CYB561A3: variants seen among roughly 807,000 people sequenced by gnomAD.
CYB561A3 encodes the protein cytochrome b561 family member A3.
In CYB561A3, 16 loss-of-function variants were observed where a neutral mutation model predicts 25.3. The ratio of observed to expected loss-of-function variants is 0.63; its 90% confidence interval spans 0.43 to 0.96. The LOEUF is 0.96. CYB561A3 is among the 40% of genes least tolerant of loss of function. The pLI is 0.00. For missense variants in CYB561A3, 219 were observed against 307.5 expected, an observed-to-expected ratio of 0.71 and a Z score of 2.15; for synonymous variants, 131 against 129.9, an observed-to-expected ratio of 1.01 and a Z score of -0.06.
intron 3 of CYB561A3, chr11:61,356,317 C>G (rs1424592554): frequency 1.6e-6 from 1 of 625,630 alleles, no homozygotes; most frequent in Admixed American, 3.3e-5. Context: ...TTGCCAACTC[C>G]TGCCCTAGAG....
chr11:61,353,207 T>C, intron 4 of CYB561A3, 68 bp from the exon 5 acceptor site: 2 of 1,511,108 alleles, frequency 1.3e-6, no homozygotes, highest in Non-Finnish European at 1.8e-6. Flanking sequence ...ACCCCATCAG[T>C]GCCTCCTCCC....
chr11:61,355,995 G>A (rs1019580470), intron 3 of CYB561A3: 5 of 151,896 alleles, frequency 3.3e-5, no homozygotes, highest in African/African-American at 9.7e-5. Flanking sequence ...GGGAGGCTGA[G>A]GCAGGAGAAT....
intron 1 of CYB561A3, chr11:61,360,907 G>A (rs1347359071): frequency 1.3e-5 from 2 of 152,128 alleles, no homozygotes; most frequent in African/African-American, 4.8e-5. Flanking sequence ...GAACCCGGGA[G>A]GCGGAGGTTG....
intron 6 of CYB561A3, 117 bp downstream of exon 6, chr11:61,350,874 T>C (rs1857372304): frequency 7.0e-7 from 1 of 1,426,226 alleles, no homozygotes; most frequent in South Asian, 1.5e-5. Context: ...CTCAAGTTAC[T>C]TGGTTTCCTG....
intron 1 of CYB561A3, chr11:61,360,077 TAA>T (rs1219253357): frequency 6.4e-5 from 9 of 141,634 alleles, no homozygotes; most frequent in Non-Finnish European, 1.4e-4. Context: ...CCTCATCTCT[TAA>T]AAAAAAAAAA....
rs749582067 is a variant in CYB561A3 at position 61,352,670 on chromosome 11, GAAAA to G, written c.548+311_548+314del. 1,205 of 585,850 alleles carry G rather than the reference GAAAA, an allele frequency of 2.1e-3. 3 individuals are homozygous for G. The highest frequency in any genetic ancestry group is 2.6e-3 in the Non-Finnish European group (1,106 of 421,640). The allele number at this position is 585,850 out of a possible 1,614,324, so 36.3% of individuals were successfully genotyped here. ...AGTGAGACTCCATCTCAAAAAAAAA[GAAAA>G]AAGAAAATGGCAATGACAACAATAC... On this transcript the variant is annotated intron_variant, in intron 5 of 6. Transcript: ENST00000294072.
intron 2 of CYB561A3, 176 bp from the exon 3 acceptor site, chr11:61,356,904 G>A: frequency 6.9e-7 from 1 of 1,444,288 alleles, no homozygotes. Context: ...GGGTGGGCCT[G>A]ATCTTCAGTC....
intron 5 of CYB561A3, 54 bp downstream of exon 5, chr11:61,352,931 G>C: frequency 6.2e-7 from 1 of 1,613,402 alleles, no homozygotes; most frequent in East Asian, 2.2e-5. Context: ...TGTATCTTTT[G>C]AAGACCCTAT....
chr11:61,352,716 T>C, intron 5 of CYB561A3: 2 of 979,640 alleles, frequency 2.0e-6, no homozygotes, highest in South Asian at 1.9e-5. Context: ...ATACCAATGA[T>C]GTAGGGTGGT....
In CYB561A3 at chr11:61,357,763, G is replaced by A. The variant is rs1174734438; in HGVS notation, c.-46C>T. The A allele has an allele frequency of 6.5e-6, 1 of 153,514 alleles. No individual in the cohort carries two copies. The highest frequency in any genetic ancestry group is 2.4e-5 in the African/African-American group (1 of 41,448). 9.5% of individuals were successfully genotyped at this position (153,514 alleles called of 1,614,324 possible). ...GCCCTAATGATAGGCTCAGAGAACT[G>A]GCCTGGGCTCCAATTCCTGCGAAAT... On this transcript the variant is annotated 5_prime_UTR_variant, in exon 2 of 7. Transcript: ENST00000294072.
chr11:61,355,481 G>A (rs934370330), intron 3 of CYB561A3, among the ~76,000 whole-genome samples: 17 of 151,328 alleles, frequency 1.1e-4, no homozygotes, highest in African/African-American at 3.9e-4. Flanking sequence ...GGAGTTCGAG[G>A]CCAGCCTGAC....
chr11:61,351,284 CT>C (rs909648792), intron 5 of CYB561A3, 137 bp from the exon 6 acceptor site: 35,230 of 292,030 alleles, frequency 0.12, 1 homozygote, highest in South Asian at 0.17. Context: ...AACACCCTTT[CT>C]TTTTTTTTTT....
At position 61,349,680 on chromosome 11, in the gene CYB561A3, A is replaced by G. The variant is rs1268412038; in HGVS notation, c.*719T>C. On this transcript the variant is annotated 3_prime_UTR_variant, in exon 7 of 7. Transcript: ENST00000294072. ...GGAGCCGCACGGTCACAATACATGC[A>G]GACACAGAGCAGCAATACGAAACAG... is the stretch of plus-strand genomic sequence containing the variant. 1.4e-6 allele frequency: 1 copy of G among 702,444 alleles called. No individual in the cohort carries two copies. Among genetic ancestry groups the G allele is most frequent in the African/African-American group, 1.7e-5 (1 of 57,390 alleles). The allele number at this position is 702,444 out of a possible 1,614,324, so 43.5% of individuals were successfully genotyped here.
At chr11:61,350,517 G>T in intron 6 of CYB561A3, 95 bp from the exon 7 acceptor site, 1 of 1,505,552 alleles carries the variant, frequency 6.6e-7, no homozygotes, top group Admixed American at 2.0e-5. Flanking sequence ...CTGCAGGGTG[G>T]TCCCCATCCA....
Position 61,350,327 on chromosome 11 carries a change from G to A in CYB561A3, c.*72C>T. ...CCTGCTGAAACCAGCCGGGAGCCCT[G>A]GGAAGAGCAGAGCTTCTGAGGGGAG... On this transcript the variant is annotated 3_prime_UTR_variant, in exon 7 of 7. Coordinates refer to ENST00000294072, the MANE Select transcript of CYB561A3 (RefSeq NM_153611.6). 6.4e-7 allele frequency: 1 copy of A among 1,569,158 alleles called. No individual in the cohort carries two copies.
At chr11:61,356,789 A>C (rs1857670204) in intron 2 of CYB561A3, 61 bp from the exon 3 acceptor site, 1 of 1,578,370 alleles carries the variant, frequency 6.3e-7, no homozygotes, top group Non-Finnish European at 8.6e-7. Flanking sequence ...CTCTGGCTAA[A>C]GGAGGTAACA....
intron 3 of CYB561A3, chr11:61,354,653 AG>A (rs1336700752): frequency 6.6e-6 from 1 of 151,968 alleles, no homozygotes; most frequent in Non-Finnish European, 1.5e-5. Context: ...AAAAAAGTGG[AG>A]GGGGGAAGCA....
chr11:61,356,833 TTTTGCTTCAG>T, intron 2 of CYB561A3, 105 bp from the exon 3 acceptor site: 1 of 1,494,984 alleles, frequency 6.7e-7, no homozygotes, highest in Non-Finnish European at 8.9e-7. Flanking sequence ...GATGGAATCT[TTTTGCTTCAG>T]TTCCCCTGCA....
At chr11:61,356,161 A>G (rs1857646645) in intron 3 of CYB561A3, 2 of 192,610 alleles carry the variant, frequency 1.0e-5, no homozygotes, top group Non-Finnish European at 2.1e-5. Flanking sequence ...ATGTTTGCAA[A>G]TAAAGCTTTA....
Sources: gnomAD v4.1 joint callset for allele counts (sites outside exome capture counted in the v4.1 genomes callset) on GRCh38, gnomAD v4.1.1 for gene constraint, MANE v1.5 for transcripts, NCBI Gene and HGNC (gene_info 2026-07-23, HGNC 2026-07-21) for gene names.